The following SGCZ variants were observed in gnomAD, a reference collection of about 807,000 sequenced individuals.
SGCZ encodes sarcoglycan zeta.
In SGCZ, 40 loss-of-function variants were observed where a neutral mutation model predicts 41.3. That is an observed-to-expected ratio of 0.97 (90% CI 0.75 to 1.26). The LOEUF (loss-of-function observed/expected upper bound fraction) is 1.26, where lower values mean the gene tolerates loss of function less well. SGCZ is among the 50% of genes most tolerant of loss of function. SGCZ has a pLI of 0.00. For missense variants in SGCZ, 552 were observed against 369.8 expected (o/e 1.49, Z -4.04); for synonymous variants, 206 against 137.5 (o/e 1.50, Z -3.49).
In SGCZ at chr8:14,791,539, A is replaced by G. The variant is rs983244699; in HGVS notation, c.40-236613T>C. On this transcript the variant is annotated intron_variant, in intron 1 of 7. Coordinates refer to ENST00000382080, the MANE Select transcript of SGCZ (RefSeq NM_139167.4). ...GTTATCTATTTAAAACCATTCACCTAATAGAAGTTTCTAGAGCTGACAAAA... is the reference window on the plus strand; with the variant it reads ...GTTATCTATTTAAAACCATTCACCTGATAGAAGTTTCTAGAGCTGACAAAA... 7.2e-5 allele frequency among the ~76,000 whole-genome samples: 11 copies of G among 152,190 alleles called. 1 individual carries two copies. The highest frequency in any genetic ancestry group is 2.2e-4 in the African/African-American group (9 of 41,454).
rs1344276906 is a variant in SGCZ, at chr8:14,840,179, A to G, written c.40-285253T>C. 2.0e-5 allele frequency among the ~76,000 whole-genome samples: 3 copies of G among 152,272 alleles called. No homozygotes were observed. In the East Asian group the frequency reaches 5.8e-4, roughly 29 times the overall value. ...AATTATCTGCTTAAAAGTCAAGGAAAGACAATTCCTGCTTAAGGGATTTTT... is the reference window on the plus strand; with the variant it reads ...AATTATCTGCTTAAAAGTCAAGGAAGGACAATTCCTGCTTAAGGGATTTTT... On this transcript the variant is annotated intron_variant, in intron 1 of 7. Transcript: ENST00000382080.
chr8:14,503,765 T>TA (rs1383739181), intron 2 of SGCZ, among the ~76,000 whole-genome samples: 2 of 152,116 alleles, frequency 1.3e-5, no homozygotes, highest in African/African-American at 4.8e-5. Context: ...AGACTCCATC[T>TA]AAAAAACAAT....
intron 2 of SGCZ, among the ~76,000 whole-genome samples, chr8:14,404,388 CTG>C (rs1799156355): frequency 1.3e-5 from 2 of 151,068 alleles, no homozygotes; most frequent in Non-Finnish European, 2.9e-5. Flanking sequence ...TTAAAGGAGA[CTG>C]TATTCAGAGT....
intron 2 of SGCZ, among the ~76,000 whole-genome samples, chr8:14,333,822 T>C (rs1046768613): frequency 6.6e-6 from 1 of 152,130 alleles, no homozygotes; most frequent in Non-Finnish European, 1.5e-5. Flanking sequence ...AAAGACCATT[T>C]AAAATGGAGT....
intron 2 of SGCZ, among the ~76,000 whole-genome samples, chr8:14,435,235 A>G (rs550142165): frequency 3.9e-5 from 6 of 152,258 alleles, no homozygotes; most frequent in Admixed American, 1.3e-4. Context: ...TTGCCATTAT[A>G]TTATTCATGA....
intron 4 of SGCZ, among the ~76,000 whole-genome samples, chr8:14,222,851 C>T (rs1304703867): frequency 2.7e-5 from 3 of 110,818 alleles, no homozygotes; most frequent in East Asian, 3.1e-4. Flanking sequence ...CTTGCTCTGT[C>T]GCCCAGGCTG....
chr8:14,613,066 A>C (rs529914657), intron 1 of SGCZ, among the ~76,000 whole-genome samples: 1 of 152,278 alleles, frequency 6.6e-6, no homozygotes, highest in Admixed American at 6.5e-5. Context: ...AGAGCACAAG[A>C]GGGAGGCTGC....
At chr8:14,955,659 A>C (rs1008855645) in intron 1 of SGCZ, among the ~76,000 whole-genome samples, 1 of 152,236 alleles carries the variant, frequency 6.6e-6, no homozygotes, top group Admixed American at 6.5e-5. Flanking sequence ...TGATTTTCAA[A>C]TATTTAATTG....
intron 1 of SGCZ, among the ~76,000 whole-genome samples, chr8:14,810,892 G>A (rs1290183041): frequency 1.3e-5 from 2 of 151,968 alleles, no homozygotes; most frequent in Admixed American, 6.6e-5. Flanking sequence ...ATAACATAGA[G>A]AATAAATCCT....
chr8:14,217,699 G>A (rs916872102), intron 4 of SGCZ, among the ~76,000 whole-genome samples: 3 of 138,068 alleles, frequency 2.2e-5, no homozygotes, highest in South Asian at 2.3e-4. Flanking sequence ...GTGTGATCTC[G>A]GCTCACTGCA....
intron 1 of SGCZ, among the ~76,000 whole-genome samples, chr8:15,021,583 T>G (rs551116505): frequency 1.3e-5 from 2 of 152,250 alleles, no homozygotes; most frequent in Admixed American, 6.5e-5. Flanking sequence ...TGAAACACTG[T>G]ATGGGGTTAA....
intron 2 of SGCZ, among the ~76,000 whole-genome samples, chr8:14,396,879 G>C: frequency 6.6e-6 from 1 of 152,056 alleles, no homozygotes; most frequent in Non-Finnish European, 1.5e-5. Flanking sequence ...TTTAAAAAAA[G>C]ACAGAGGACC....
chr8:14,656,317 C>T (rs939517404), intron 1 of SGCZ, among the ~76,000 whole-genome samples: 1 of 151,458 alleles, frequency 6.6e-6, no homozygotes, highest in Admixed American at 6.6e-5. Context: ...TACAGCCCTC[C>T]TTCCTCCTCC....
At chr8:14,919,670 C>G (rs1467117524) in intron 1 of SGCZ, among the ~76,000 whole-genome samples, 3 of 152,148 alleles carry the variant, frequency 2.0e-5, no homozygotes, top group African/African-American at 7.2e-5. Flanking sequence ...GTAACCTCAG[C>G]ACTTTGGGAG....
At chr8:15,022,360 T>A (rs976458444) in intron 1 of SGCZ, among the ~76,000 whole-genome samples, 13 of 152,204 alleles carry the variant, frequency 8.5e-5, no homozygotes, top group South Asian at 6.2e-4. Flanking sequence ...TTATTTATTT[T>A]TTGAGACAGA....
intron 1 of SGCZ, among the ~76,000 whole-genome samples, chr8:14,579,879 A>G (rs17119850): frequency 0.042 from 6,395 of 152,224 alleles, 191 homozygotes; most frequent in South Asian, 0.14. Flanking sequence ...AATCCTTATA[A>G]GTTCCCCTGA....
intron 1 of SGCZ, among the ~76,000 whole-genome samples, chr8:15,175,123 A>T (rs1240195081): frequency 6.6e-6 from 1 of 152,154 alleles, no homozygotes; most frequent in Non-Finnish European, 1.5e-5. Flanking sequence ...CTAAAAATTA[A>T]AAATAAATTT....
intron 2 of SGCZ, among the ~76,000 whole-genome samples, chr8:14,503,559 A>G (rs1166615536): frequency 1.3e-5 from 2 of 152,084 alleles, no homozygotes; most frequent in African/African-American, 4.8e-5. Context: ...CATGAGTTCA[A>G]GAGATCGAGA....
At chr8:15,096,719 C>T (rs982087556) in intron 1 of SGCZ, among the ~76,000 whole-genome samples, 3 of 152,074 alleles carry the variant, frequency 2.0e-5, no homozygotes, top group Non-Finnish European at 2.9e-5. Context: ...CACAGTCTCG[C>T]TCTGTCTCCA....
Sources: allele counts gnomAD v4.1 joint callset (sites outside exome capture counted in the v4.1 genomes callset), GRCh38; gene constraint gnomAD v4.1.1; transcripts MANE v1.5; gene names NCBI Gene and HGNC (gene_info 2026-07-23, HGNC 2026-07-21).